The following NOP9 variants were observed in gnomAD, a reference collection of about 807,000 sequenced individuals.
The protein encoded by NOP9 is NOP9 nucleolar protein.
NOP9 carries 50 observed loss-of-function variants against 63.0 expected under a neutral mutation model. The observed-to-expected ratio is 0.79, with a 90% CI of 0.63 to 1.00. The LOEUF (loss-of-function observed/expected upper bound fraction) is 1.00. Among genes scored for constraint, NOP9 ranks in the 50% least tolerant of loss-of-function variants. The pLI is 0.00. For synonymous variants in NOP9, 343 were observed against 332.8 expected (o/e 1.03, Z -0.33); for missense variants, 758 against 803.0 (o/e 0.94, Z 0.68).
chr14:24,307,884 G>A lies in NOP9; in HGVS notation c.*2789G>A, dbSNP rs370279393. ...GGTGGACCGGAGAGTTCCTTCCCTG[G>A]AACTTCTGGGCTGGGTGGTTCTCTC... On this transcript the variant is annotated 3_prime_UTR_variant, in exon 10 of 10. Coordinates refer to ENST00000267425, the MANE Select transcript of NOP9 (RefSeq NM_174913.3). 1 of 1,572,352 alleles carries A rather than the reference G, an allele frequency of 6.4e-7. No homozygotes were observed. The highest frequency in any genetic ancestry group is 8.6e-7 in the Non-Finnish European group (1 of 1,157,308).
chr14:24,301,031 C>T (rs1433966138), intron 2 of NOP9, among the ~76,000 whole-genome samples, 174 bp downstream of exon 2: 8 of 152,072 alleles, frequency 5.3e-5, no homozygotes, highest in Admixed American at 2.0e-4. Flanking sequence ...TGTGCGGAGG[C>T]CCAGAGGTAG....
chr14:24,294,008 T>G, the NOP9 span: 1 of 152,186 alleles, frequency 6.6e-6, no homozygotes, highest in Non-Finnish European at 1.5e-5. Flanking sequence ...GTTGGATCAT[T>G]TGGGACAACC....
At chr14:24,275,220 T>C in the NOP9 span, among the ~76,000 whole-genome samples, 3 of 152,144 alleles carry the variant, frequency 2.0e-5, no homozygotes, top group Non-Finnish European at 2.9e-5. Context: ...AAAGCCACAA[T>C]CTAAATGATG....
chr14:24,305,965 C>T lies in NOP9; in HGVS notation c.*870C>T. 2 of 1,613,640 alleles carry T rather than the reference C, an allele frequency of 1.2e-6. No homozygotes were observed. Among genetic ancestry groups the T allele is most frequent in the Non-Finnish European group, 1.7e-6 (2 of 1,179,752 alleles). The stretch of plus-strand genomic sequence containing the variant: ...TTCTGACCTGAGTACTTTCTTTGGG[C>T]CAAGTCCTTGAAAGTCACAACTCAT... On this transcript the variant is annotated 3_prime_UTR_variant, in exon 10 of 10. Coordinates refer to ENST00000267425, the MANE Select transcript of NOP9 (RefSeq NM_174913.3).
At chr14:24,283,868 C>T in the NOP9 span, among the ~76,000 whole-genome samples, 4 of 152,274 alleles carry the variant, frequency 2.6e-5, no homozygotes, top group African/African-American at 4.8e-5. Context: ...AGACCCAGCC[C>T]GTGCTCCTCC....
rs1383011352 is a variant in NOP9, at chr14:24,306,028, C to T, written c.*933C>T. On this transcript the variant is annotated 3_prime_UTR_variant, in exon 10 of 10. Coordinates refer to ENST00000267425, the MANE Select transcript of NOP9 (RefSeq NM_174913.3). ...GTAGAATGTGGCTTTGACATTCAGG[C>T]TGCCAAAGAGGTCTCGAGGGTTTTG... 1 of 1,614,158 alleles carries T rather than the reference C, an allele frequency of 6.2e-7. No homozygotes were observed. Among genetic ancestry groups the T allele is most frequent in the Admixed American group, 1.7e-5 (1 of 60,028 alleles).
upstream of NOP9, among the ~76,000 whole-genome samples, chr14:24,297,962 C>T (rs1594611754): frequency 6.6e-6 from 1 of 152,302 alleles, no homozygotes; most frequent in East Asian, 1.9e-4. Context: ...GTGCATATCT[C>T]CCTCTTATAA....
rs954008042 is a variant in NOP9, at chr14:24,305,657, C to T, written c.*562C>T. ...CTTAGTAGGAATGGAGGCGGCCCTTCTGCTGCCACTGCTCAGCCCCCTCCA... is the reference window on the plus strand; with the variant it reads ...CTTAGTAGGAATGGAGGCGGCCCTTTTGCTGCCACTGCTCAGCCCCCTCCA... On this transcript the variant is annotated 3_prime_UTR_variant, in exon 10 of 10. Coordinates refer to ENST00000267425, the MANE Select transcript of NOP9 (RefSeq NM_174913.3). 1.2e-6 allele frequency: 2 copies of T among 1,613,870 alleles called. No homozygotes were observed. Among genetic ancestry groups the T allele is most frequent in the Admixed American group, 3.3e-5 (2 of 59,952 alleles).
Position 24,300,145 on chromosome 14 carries a change from A to G in NOP9, c.191A>G (p.Tyr64Cys), listed in dbSNP as rs773814064. 5 of 1,613,996 alleles carry G rather than the reference A, an allele frequency of 3.1e-6. No individual in the cohort carries two copies. The South Asian group carries it at 5.5e-5, about 18-fold the overall frequency. The change falls in exon 1 of 10, where the codon TAT becomes TGT. Residue 64 changes from tyrosine to cysteine, a missense_variant. Tyr to Cys is a radical substitution (Grantham distance 194). Transcript: ENST00000267425. ...HPHLSPEALG[Y>C]FRRALSALKE... ...CACCTGAGCCCGGAAGCTCTGGGAT[A>G]TTTCCGCCGGGCGCTGTCAGCATTG...
chr14:24,279,546 AGGGTGT>A, the NOP9 span, among the ~76,000 whole-genome samples: 1 of 152,194 alleles, frequency 6.6e-6, no homozygotes, highest in East Asian at 1.9e-4. Flanking sequence ...TAACTCTCCC[AGGGTGT>A]GGTGGGTACT....
chr14:24,292,767 G>A, the NOP9 span: 8 of 1,612,464 alleles, frequency 5.0e-6, no homozygotes, highest in Non-Finnish European at 6.8e-6. Flanking sequence ...CCCATACACT[G>A]AGCAAAAGTA....
chr14:24,300,583 CG>C lies in NOP9; in HGVS notation c.427del (p.Val143SerfsTer44). 2 of 1,614,142 alleles carry C rather than the reference CG, an allele frequency of 1.2e-6. No homozygotes were observed. Among genetic ancestry groups the C allele is most frequent in the Non-Finnish European group, 1.7e-6 (2 of 1,180,030 alleles). On this transcript the variant is annotated frameshift_variant, in exon 2 of 10. Coordinates refer to ENST00000267425, the MANE Select transcript of NOP9 (RefSeq NM_174913.3). LOFTEE classifies it high-confidence loss of function. ...TGCGCACTGTGGCCTGTCACCGATG[CG>C]GGGTCCATGTATTACAAAGTGCTTT... ...NLRTVACHRC[G>X]VHVLQSALLQ...
At chr14:24,287,760 G>C in the NOP9 span, among the ~76,000 whole-genome samples, 1 of 152,142 alleles carries the variant, frequency 6.6e-6, no homozygotes, top group African/African-American at 2.4e-5. Flanking sequence ...CCCTTCCTCA[G>C]TTCTCCAGGC....
In NOP9 at chr14:24,300,530, C is replaced by T. The variant is rs763616481; in HGVS notation, c.370C>T (p.Arg124Cys). Residue 124 changes from arginine (R) to cysteine (C), a missense_variant, in exon 2 of 10, where the codon CGC becomes TGC. By Grantham distance (180) the Arg-to-Cys change is radical. Coordinates refer to ENST00000267425, the MANE Select transcript of NOP9 (RefSeq NM_174913.3). ...LGFSPLKPLC[R>C]VWAALRSNLR... ...ATTCAGTCCCTTGAAACCGCTTTGT[C>T]GCGTGTGGGCTGCTCTGCGCTCTAA... is the stretch of plus-strand genomic sequence containing the variant. 2.5e-6 allele frequency: 4 copies of T among 1,614,230 alleles called. No individual in the cohort carries two copies. The South Asian group carries it at 3.3e-5, about 13-fold the overall frequency.
chr14:24,294,164 A>G, the NOP9 span: 7 of 152,364 alleles, frequency 4.6e-5, no homozygotes, highest in East Asian at 9.6e-4. Context: ...TATAAACTTG[A>G]GGGAAAAGGC....
At position 24,306,773 on chromosome 14, in the gene NOP9, C is replaced by T; in HGVS notation, c.*1678C>T. On this transcript the variant is annotated 3_prime_UTR_variant, in exon 10 of 10. Coordinates refer to ENST00000267425, the MANE Select transcript of NOP9 (RefSeq NM_174913.3). ...CATCTCCCCTTGCTCCCCTCCAAGT[C>T]ACTTCTGGTTTGGAATTGGAAAGCA... 2 of 525,072 alleles carry T rather than the reference C, an allele frequency of 3.8e-6. No individual in the cohort carries two copies. The allele number at this position is 525,072 out of a possible 1,614,324, so 32.5% of individuals were successfully genotyped here.
rs941316185 is a variant in NOP9, at chr14:24,306,614, T to C, written c.*1519T>C. ...AACATCCATCAGTTGGCTCTAGACA[T>C]TGGTCGATGTCCCACTTTGACTTTC... On this transcript the variant is annotated 3_prime_UTR_variant, in exon 10 of 10. Transcript: ENST00000267425. 429 of 1,540,832 alleles carry C rather than the reference T, an allele frequency of 2.8e-4. 3 individuals are homozygous for C. In the Middle Eastern group the frequency reaches 3.3e-3, roughly 12 times the overall value.
At chr14:24,281,269 A>G in the NOP9 span, among the ~76,000 whole-genome samples, 3 of 152,300 alleles carry the variant, frequency 2.0e-5, no homozygotes, top group East Asian at 1.9e-4. Context: ...GCAGGGATCA[A>G]TGAGTCCTTA....
chr14:24,301,952 C>T lies in NOP9; in HGVS notation c.809-13C>T, dbSNP rs777015010. ...TTTGGGAAAGCCGCTTTATTTCTGC[C>T]CTCTCTCCACAGTGTTTATCACTGA... On this transcript the variant is annotated splice_polypyrimidine_tract_variant and intron_variant, in intron 3 of 9. Transcript: ENST00000267425. The T allele has an allele frequency of 1.3e-6, 2 of 1,598,488 alleles. No homozygotes were observed. Among genetic ancestry groups the T allele is most frequent in the South Asian group, 1.1e-5 (1 of 88,668 alleles).
Sources: gnomAD v4.1 joint callset for allele counts (sites outside exome capture counted in the v4.1 genomes callset) on GRCh38, gnomAD v4.1.1 for gene constraint, MANE v1.5 for transcripts, NCBI Gene and HGNC (gene_info 2026-07-23, HGNC 2026-07-21) for gene names.